NFAT5: variants seen among roughly 807,000 people sequenced by gnomAD.
NFAT5 encodes the protein nuclear factor of activated T-cells 5.
Under a neutral mutation model 166.5 loss-of-function variants are expected in NFAT5, and 31 were observed. That is an observed-to-expected ratio of 0.19 (90% CI 0.14 to 0.25). NFAT5 has a LOEUF of 0.25. Ranked by LOEUF, NFAT5 falls within the 10% of genes least tolerant of loss-of-function variation. The pLI, the probability that NFAT5 is intolerant of heterozygous loss-of-function variation, is 1.00. For missense variants in NFAT5, 1,449 were observed against 1,821.8 expected, an observed-to-expected ratio of 0.80 and a Z score of 3.72; for synonymous variants, 612 against 639.7, an observed-to-expected ratio of 0.96 and a Z score of 0.65.
At chr16:69,682,434 C>T (rs570349064) in intron 10 of NFAT5, among the ~76,000 whole-genome samples, 6 of 100,548 alleles carry the variant, frequency 6.0e-5, no homozygotes, top group South Asian at 3.2e-4. Context: ...ATAGTGAGAC[C>T]CCCCCCCCCG....
At chr16:69,612,345 G>C (rs1219198531) in intron 2 of NFAT5, among the ~76,000 whole-genome samples, 1 of 152,182 alleles carries the variant, frequency 6.6e-6, no homozygotes, top group African/African-American at 2.4e-5. Context: ...GTGTCAAAAA[G>C]ATGGTACATG....
intron 3 of NFAT5, chr16:69,632,666 T>C (rs560409000): frequency 4.6e-5 from 7 of 152,314 alleles, no homozygotes; most frequent in African/African-American, 1.7e-4. Context: ...TGACTAAATT[T>C]GAGGAAGAAA....
At chr16:69,649,045 A>G in intron 4 of NFAT5, 1 of 878,518 alleles carries the variant, frequency 1.1e-6, no homozygotes, top group Non-Finnish European at 1.4e-6. Context: ...TAAATTACCT[A>G]AAAGAAAATA....
chr16:69,656,315 T>G (rs951418676), intron 6 of NFAT5, among the ~76,000 whole-genome samples: 11 of 149,908 alleles, frequency 7.3e-5, no homozygotes, highest in Non-Finnish European at 1.5e-4. Context: ...ATTCCCGTGG[T>G]AAAGGCAGGG....
In NFAT5 at chr16:69,693,984, G is replaced by A. The variant is rs2151723972; in HGVS notation, c.4159G>A (p.Glu1387Lys). The change falls in exon 13 of 15, where the codon GAG (glutamate) becomes AAG (lysine). Residue 1387 changes from glutamate to lysine, a missense_variant. By Grantham distance (56) the Glu-to-Lys change is moderately conservative. This residue lies in a region of NFAT5 where 891 missense variants were observed against 993.0 expected (regional missense o/e 0.90). Transcript: ENST00000349945. ...QLVQGSPSSQ[E>K]QQVTLFLSPA... The stretch of plus-strand genomic sequence containing the variant: ...GGTACAAGGGTCACCTAGTTCTCAA[G>A]AGCAGCAAGTAACTCTCTTCTTATC... The A allele has an allele frequency of 5.0e-6, 8 of 1,614,148 alleles. No homozygotes were observed. Among genetic ancestry groups the A allele is most frequent in the Non-Finnish European group, 4.2e-6 (5 of 1,180,024 alleles).
intron 2 of NFAT5, among the ~76,000 whole-genome samples, chr16:69,596,798 G>A (rs1166685211): frequency 6.6e-6 from 1 of 150,506 alleles, no homozygotes; most frequent in African/African-American, 2.4e-5. Flanking sequence ...TATTTACTGA[G>A]TATTTTCAGC....
intron 2 of NFAT5, among the ~76,000 whole-genome samples, chr16:69,593,481 TTTTTTTTTTTTTA>T (rs2032601370): frequency 6.6e-6 from 1 of 151,828 alleles, no homozygotes; most frequent in South Asian, 2.1e-4. Flanking sequence ...CAGCTAATTT[TTTTTTTTTTTTTA>T]ACTAGAGACA....
In NFAT5 at chr16:69,592,533, T is replaced by C. The variant is rs189566818; in HGVS notation, c.127+23985T>C. ...AAAGCTTGTGATTATTTCAAATTCTTATGATCTCAAGTCTTGACTAAAATG... is the reference window on the plus strand; with the variant it reads ...AAAGCTTGTGATTATTTCAAATTCTCATGATCTCAAGTCTTGACTAAAATG... On this transcript the variant is annotated intron_variant, in intron 2 of 14. Coordinates refer to ENST00000349945, the MANE Select transcript of NFAT5 (RefSeq NM_138713.4). 3.6e-3 allele frequency among the ~76,000 whole-genome samples: 546 copies of C among 152,322 alleles called. 1 individual carries two copies. The highest frequency in any genetic ancestry group is 5.7e-3 in the Non-Finnish European group (389 of 68,026).
At chr16:69,645,513 T>A (rs1597461967) in intron 3 of NFAT5, among the ~76,000 whole-genome samples, 2 of 152,326 alleles carry the variant, frequency 1.3e-5, no homozygotes, top group East Asian at 3.9e-4. Flanking sequence ...TATAGTTCAT[T>A]CAAATAATTT....
intron 3 of NFAT5, among the ~76,000 whole-genome samples, chr16:69,642,829 A>C (rs1356767378): frequency 3.3e-5 from 5 of 151,844 alleles, no homozygotes; most frequent in Non-Finnish European, 7.4e-5. Flanking sequence ...AAAAAAGAAA[A>C]GAAAAGAAAA....
At chr16:69,674,270 G>A (rs1053030803) in intron 9 of NFAT5, among the ~76,000 whole-genome samples, 1 of 149,356 alleles carries the variant, frequency 6.7e-6, no homozygotes, top group Non-Finnish European at 1.5e-5. Flanking sequence ...AAAGTAATAC[G>A]GTATTATAAA....
intron 4 of NFAT5, among the ~76,000 whole-genome samples, chr16:69,651,100 C>CT (rs2035647132): frequency 6.6e-6 from 1 of 152,158 alleles, no homozygotes; most frequent in South Asian, 2.1e-4. Flanking sequence ...AATGGCATTC[C>CT]TTGTCCAGTT....
Position 69,693,606 on chromosome 16 carries a change from A to G in NFAT5, c.3781A>G (p.Ser1261Gly). ...ACAGCACTCAATAGTTGCCATGCAG[A>G]GTAACTCTCCATCCCAGGAACAGCA... ...QSQHSIVAMQSNSPSQEQQQQ... is the reference protein window; with the variant it reads ...QSQHSIVAMQGNSPSQEQQQQ... Residue 1261 changes from serine (S) to glycine (G), a missense_variant, in exon 13 of 15, where the codon AGT becomes GGT. Coordinates refer to ENST00000349945, the MANE Select transcript of NFAT5 (RefSeq NM_138713.4). The G allele has an allele frequency of 6.2e-7, 1 of 1,614,192 alleles. No homozygotes were observed. Among genetic ancestry groups the G allele is most frequent in the Non-Finnish European group, 8.5e-7 (1 of 1,180,032 alleles).
intron 9 of NFAT5, among the ~76,000 whole-genome samples, chr16:69,672,812 C>A (rs1181315059): frequency 6.6e-6 from 1 of 152,122 alleles, no homozygotes; most frequent in Non-Finnish European, 1.5e-5. Flanking sequence ...TTAATGTAGA[C>A]TCCCTTGCTT....
chr16:69,652,394 G>A (rs1265594468), intron 4 of NFAT5, among the ~76,000 whole-genome samples: 7 of 151,136 alleles, frequency 4.6e-5, no homozygotes, highest in Non-Finnish European at 8.8e-5. Context: ...AGAGGTTACA[G>A]TGAGCTGAGA....
intron 12 of NFAT5, among the ~76,000 whole-genome samples, chr16:69,691,451 A>G (rs1301426209): frequency 2.0e-5 from 3 of 152,154 alleles, no homozygotes; most frequent in Non-Finnish European, 4.4e-5. Context: ...CTCTTCATGA[A>G]CCATAAAATT....
At chr16:69,611,965 GA>G (rs1413556218) in intron 2 of NFAT5, among the ~76,000 whole-genome samples, 1 of 152,216 alleles carries the variant, frequency 6.6e-6, no homozygotes, top group East Asian at 1.9e-4. Flanking sequence ...AATATTTATT[GA>G]GTGAATGAGT....
intron 3 of NFAT5, among the ~76,000 whole-genome samples, chr16:69,643,587 A>G (rs2035310142): frequency 6.6e-6 from 1 of 152,134 alleles, no homozygotes; most frequent in Non-Finnish European, 1.5e-5. Context: ...CTCTGTATCA[A>G]ATAATGCTAT....
chr16:69,690,369 G>A (rs1297273561), intron 11 of NFAT5, among the ~76,000 whole-genome samples: 2 of 151,616 alleles, frequency 1.3e-5, no homozygotes, highest in African/African-American at 4.8e-5. Flanking sequence ...TTGTGTCCAT[G>A]TGTCAACTTG....
Sources: gnomAD v4.1 joint callset for allele counts (sites outside exome capture counted in the v4.1 genomes callset) on GRCh38, gnomAD v4.1.1 for gene constraint, gnomAD v4.1.1 regional missense constraint, MANE v1.5 for transcripts, NCBI Gene and HGNC (gene_info 2026-07-23, HGNC 2026-07-21) for gene names.